The following JAZF1 variants were observed in gnomAD, a reference collection of about 807,000 sequenced individuals.
The protein encoded by JAZF1 is juxtaposed with another zinc finger protein 1.
JAZF1 carries 8 observed loss-of-function variants against 26.4 expected under a neutral mutation model. The ratio of observed to expected loss-of-function variants is 0.30; its 90% confidence interval spans 0.18 to 0.55. JAZF1 has a LOEUF of 0.55. JAZF1 is among the 20% of genes least tolerant of loss of function. The pLI is 0.94. For missense variants in JAZF1, 199 were observed against 322.0 expected (o/e 0.62, Z 2.92); for synonymous variants, 126 against 122.3 (o/e 1.03, Z -0.20).
chr7:27,878,347 TTTACA>T (rs1783716309), intron 3 of JAZF1, among the ~76,000 whole-genome samples: 2 of 150,576 alleles, frequency 1.3e-5, no homozygotes, highest in Non-Finnish European at 1.5e-5. Context: ...AAAAATATAT[TTTACA>T]TTACAACTCA....
chr7:28,071,371 C>G (rs1783973952), intron 1 of JAZF1, among the ~76,000 whole-genome samples: 2 of 152,230 alleles, frequency 1.3e-5, no homozygotes, highest in African/African-American at 4.8e-5. Flanking sequence ...CCAACACCAG[C>G]AGGCGTCTAC....
At chr7:27,916,187 C>T (rs1784441704) in intron 2 of JAZF1, among the ~76,000 whole-genome samples, 1 of 151,160 alleles carries the variant, frequency 6.6e-6, no homozygotes, top group Non-Finnish European at 1.5e-5. Flanking sequence ...ACCACAAGGA[C>T]ATTAGTTACA....
At chr7:28,080,502 T>C (rs1422472162) in intron 1 of JAZF1, among the ~76,000 whole-genome samples, 7 of 152,244 alleles carry the variant, frequency 4.6e-5, no homozygotes, top group African/African-American at 1.7e-4. Flanking sequence ...TCAGCCTGTG[T>C]TGGCTTTCAA....
chr7:27,985,730 C>T (rs1463085583), intron 2 of JAZF1, among the ~76,000 whole-genome samples: 2 of 152,192 alleles, frequency 1.3e-5, no homozygotes, highest in African/African-American at 4.8e-5. Flanking sequence ...CCAAATCCAG[C>T]AGCACATCAA....
At chr7:28,001,931 T>C (rs1021431345) in intron 1 of JAZF1, among the ~76,000 whole-genome samples, 22 of 152,056 alleles carry the variant, frequency 1.4e-4, no homozygotes, top group African/African-American at 5.1e-4. Flanking sequence ...AAGAAGTAAC[T>C]AGAAGGTGAA....
Position 27,849,279 on chromosome 7 carries a change from C to T in JAZF1, c.386-8412G>A, listed in dbSNP as rs371277370. Among the ~76,000 whole-genome samples the T allele has an allele frequency of 5.3e-4, 80 of 152,294 alleles. 2 individuals are homozygous for T. In the South Asian group the frequency reaches 9.7e-3, roughly 19 times the overall value. Reference sequence around the variant, plus strand: ...CAGGTGGGGGCAGCAGGCTAAGCCTCGTGACAGCCAGTGATGGGACCCTGC... The same window carrying T: ...CAGGTGGGGGCAGCAGGCTAAGCCTTGTGACAGCCAGTGATGGGACCCTGC... On this transcript the variant is annotated intron_variant, in intron 3 of 4. Transcript: ENST00000283928.
intron 1 of JAZF1, among the ~76,000 whole-genome samples, chr7:28,030,584 T>C (rs1174845723): frequency 1.3e-5 from 2 of 152,320 alleles, no homozygotes; most frequent in Middle Eastern, 3.4e-3. Flanking sequence ...GTTGCAAAGA[T>C]CTTGTAAATT....
In JAZF1 at chr7:27,988,058, T is replaced by C. The variant is rs564196795; in HGVS notation, c.188+3851A>G. Among the ~76,000 whole-genome samples, 8 of 152,300 alleles carry C rather than the reference T, an allele frequency of 5.3e-5. No individual in the cohort carries two copies. The South Asian group carries it at 1.0e-3, about 20-fold the overall frequency. On this transcript the variant is annotated intron_variant, in intron 2 of 4. Coordinates refer to ENST00000283928, the MANE Select transcript of JAZF1 (RefSeq NM_175061.4). Reference sequence around the variant, plus strand: ...CAGGGACACAAACACTGTGGAAGGCTGCAGGGTCCTCTGCCTAGGAAAACC... The same window carrying C: ...CAGGGACACAAACACTGTGGAAGGCCGCAGGGTCCTCTGCCTAGGAAAACC...
chr7:27,838,141 C>G (rs1782853244), intron 4 of JAZF1, among the ~76,000 whole-genome samples: 1 of 152,038 alleles, frequency 6.6e-6, no homozygotes, highest in Non-Finnish European at 1.5e-5. Flanking sequence ...ATGAGAACTG[C>G]CCATTCCCTG....
chr7:27,956,599 T>C (rs1039654962), intron 2 of JAZF1, among the ~76,000 whole-genome samples: 2 of 152,176 alleles, frequency 1.3e-5, no homozygotes, highest in Non-Finnish European at 2.9e-5. Context: ...AGAAAGTCTA[T>C]TTTCTCTTCA....
rs561739622 is a variant in JAZF1 at position 28,078,423 on chromosome 7, C to T, written c.116-86442G>A. On this transcript the variant is annotated intron_variant, in intron 1 of 4. Transcript: ENST00000283928. ...CTAAGCTGGAAACTAGTGTCATAAA[C>T]GTCATTTCTTTTTGCAGAAGCCATC... Among the ~76,000 whole-genome samples, 3 of 152,294 alleles carry T rather than the reference C, an allele frequency of 2.0e-5. No individual in the cohort carries two copies. The East Asian group carries it at 5.8e-4, about 29-fold the overall frequency.
chr7:28,127,365 G>C (rs1400250790), intron 1 of JAZF1, among the ~76,000 whole-genome samples: 1 of 152,168 alleles, frequency 6.6e-6, no homozygotes, highest in East Asian at 1.9e-4. Flanking sequence ...TGTGGAAGTG[G>C]GATGGAACCT....
chr7:27,943,781 T>C (rs570359081), intron 2 of JAZF1, among the ~76,000 whole-genome samples: 1 of 152,326 alleles, frequency 6.6e-6, no homozygotes, highest in South Asian at 2.1e-4. Context: ...TACAAAGCTC[T>C]TTCTCTAGAG....
At chr7:28,078,241 G>C (rs970791434) in intron 1 of JAZF1, among the ~76,000 whole-genome samples, 4 of 152,158 alleles carry the variant, frequency 2.6e-5, no homozygotes, top group Non-Finnish European at 5.9e-5. Flanking sequence ...TTGGATTCAA[G>C]CACTGCATGG....
At chr7:27,928,514 G>A (rs772075268) in intron 2 of JAZF1, among the ~76,000 whole-genome samples, 1 of 152,176 alleles carries the variant, frequency 6.6e-6, no homozygotes, top group Non-Finnish European at 1.5e-5. Context: ...CTTTTGTTAA[G>A]TTCTGATATA....
intron 2 of JAZF1, among the ~76,000 whole-genome samples, chr7:27,946,643 G>T (rs1184848952): frequency 6.6e-6 from 1 of 152,216 alleles, no homozygotes; most frequent in African/African-American, 2.4e-5. Flanking sequence ...GTAGGGATTT[G>T]TGGTTTTAAA....
chr7:27,918,328 TTCA>T (rs1784476351), intron 2 of JAZF1, among the ~76,000 whole-genome samples: 1 of 152,194 alleles, frequency 6.6e-6, no homozygotes, highest in Admixed American at 6.5e-5. Flanking sequence ...GAGTTACATC[TTCA>T]TCATCACTCC....
chr7:28,078,192 T>C (rs1430042153), intron 1 of JAZF1, among the ~76,000 whole-genome samples: 2 of 152,234 alleles, frequency 1.3e-5, no homozygotes, highest in African/African-American at 4.8e-5. Flanking sequence ...ATGATGATAA[T>C]GTACCACTTA....
intron 1 of JAZF1, among the ~76,000 whole-genome samples, chr7:28,054,829 C>T (rs1036386986): frequency 6.6e-6 from 1 of 151,910 alleles, no homozygotes. Flanking sequence ...GGAGATGGAC[C>T]GGAGAGCTGA....
Sources: gnomAD v4.1 joint callset for allele counts (sites outside exome capture counted in the v4.1 genomes callset) on GRCh38, gnomAD v4.1.1 for gene constraint, MANE v1.5 for transcripts, NCBI Gene and HGNC (gene_info 2026-07-23, HGNC 2026-07-21) for gene names.